The following TTPA variants were observed in gnomAD, a reference collection of about 807,000 sequenced individuals.
The protein encoded by TTPA is alpha-tocopherol transfer protein.
TTPA carries 23 observed loss-of-function variants against 25.9 expected under a neutral mutation model. That is an observed-to-expected ratio of 0.89 (90% CI 0.64 to 1.26). The LOEUF (loss-of-function observed/expected upper bound fraction) is 1.26. Ranked by LOEUF, TTPA falls within the 50% of genes most tolerant of loss-of-function variation. The pLI, the probability that TTPA is intolerant of heterozygous loss-of-function variation, is 0.00. For missense variants in TTPA, 337 were observed against 353.1 expected, an observed-to-expected ratio of 0.95 and a Z score of 0.37; for synonymous variants, 148 against 137.3, an observed-to-expected ratio of 1.08 and a Z score of -0.54.
At chr8:63,076,604 A>G (rs1200039759) in intron 1 of TTPA, among the ~76,000 whole-genome samples, 1 of 152,224 alleles carries the variant, frequency 6.6e-6, no homozygotes, top group Non-Finnish European at 1.5e-5. Context: ...TAAGGAATAC[A>G]GAAAAAAATA....
intron 1 of TTPA, among the ~76,000 whole-genome samples, chr8:63,077,575 A>T (rs976608697): frequency 2.6e-5 from 4 of 152,188 alleles, no homozygotes; most frequent in Non-Finnish European, 5.9e-5. Flanking sequence ...GCAGTCTGAG[A>T]TCTAACTTCA....
At chr8:63,074,500 A>G (rs986544739) in intron 1 of TTPA, among the ~76,000 whole-genome samples, 1 of 152,246 alleles carries the variant, frequency 6.6e-6, no homozygotes, top group Non-Finnish European at 1.5e-5. Flanking sequence ...GGAGTAAGAA[A>G]GAAAAAAGTC....
chr8:63,084,392 A>T (rs1464256655), intron 1 of TTPA, among the ~76,000 whole-genome samples: 1 of 152,224 alleles, frequency 6.6e-6, no homozygotes, highest in Non-Finnish European at 1.5e-5. Flanking sequence ...CTTGTGTACT[A>T]CTAGGCAAAT....
chr8:63,066,182 T>G, intron 2 of TTPA, 85 bp from the exon 3 acceptor site: 3 of 1,320,948 alleles, frequency 2.3e-6, no homozygotes, highest in South Asian at 1.3e-5. Flanking sequence ...ATTTTATTCT[T>G]AAAAGATCAG....
downstream of TTPA, among the ~76,000 whole-genome samples, chr8:63,059,020 G>GT (rs35335226): frequency 0.094 from 6,324 of 67,114 alleles, 2,022 homozygotes; most frequent in Non-Finnish European, 0.13. Context: ...GCAGGGTCCA[G>GT]TTTTTTTTTT....
Position 63,085,844 on chromosome 8 carries a change from C to G in TTPA, c.178G>C (p.Asp60His). The stretch of plus-strand genomic sequence containing the variant: ...CGCCAGGCCAGGTCCAGATCGAAAT[C>G]CCGGGCGCGCAGGAACCGCAGCAGG... ...SFLLRFLRAR[D>H]FDLDLAWRLL... is the part of the protein sequence containing the mutation. Residue 60 changes from aspartate (D) to histidine (H), a missense_variant, in exon 1 of 5, where the codon GAT becomes CAT. By Grantham distance (81) the Asp-to-His change is moderately conservative. Coordinates refer to ENST00000260116, the MANE Select transcript of TTPA (RefSeq NM_000370.3). 1 of 1,536,736 alleles carries G rather than the reference C, an allele frequency of 6.5e-7. No individual in the cohort carries two copies.
intron 1 of TTPA, 21 bp downstream of exon 1, chr8:63,085,797 G>T (rs1167980938): frequency 1.8e-5 from 28 of 1,532,264 alleles, no homozygotes; most frequent in Non-Finnish European, 2.4e-5. Context: ...ACTGCCGAGC[G>T]CCCTGGGCAC....
intron 2 of TTPA, among the ~76,000 whole-genome samples, chr8:63,072,482 C>T (rs899455184): frequency 3.9e-5 from 6 of 152,304 alleles, no homozygotes; most frequent in East Asian, 1.9e-4. Flanking sequence ...AGGTTGGTCT[C>T]GAACTCCTGA....
At chr8:63,066,218 C>T in intron 2 of TTPA, 121 bp from the exon 3 acceptor site, 2 of 1,041,012 alleles carry the variant, frequency 1.9e-6, no homozygotes, top group South Asian at 2.9e-5. Context: ...CTACAAAGAT[C>T]AAGAATTGAT....
Position 63,064,270 on chromosome 8 carries a change from G to C in TTPA, c.599C>G (p.Pro200Arg). 4 of 1,612,922 alleles carry C rather than the reference G, an allele frequency of 2.5e-6. No individual in the cohort carries two copies. Among genetic ancestry groups the C allele is most frequent in the Non-Finnish European group, 3.4e-6 (4 of 1,179,392 alleles). The change falls in exon 4 of 5, where the codon CCA (proline) becomes CGA (arginine). Residue 200 changes from proline to arginine, a missense_variant. Coordinates refer to ENST00000260116, the MANE Select transcript of TTPA (RefSeq NM_000370.3). Reference protein sequence around the residue: ...KVRGIHLINEPVIFHAVFSMI... With the variant: ...KVRGIHLINERVIFHAVFSMI... Reference sequence around the variant, plus strand: ...GGAAAAGACAGCATGGAAAATTACTGGTTCATTTATCAAATGGATGCCACG... The same window carrying C: ...GGAAAAGACAGCATGGAAAATTACTCGTTCATTTATCAAATGGATGCCACG...
chr8:63,076,483 A>G (rs932671977), intron 1 of TTPA, among the ~76,000 whole-genome samples: 3 of 152,178 alleles, frequency 2.0e-5, no homozygotes, highest in African/African-American at 7.2e-5. Flanking sequence ...TTGGCAGAAA[A>G]GCAAGACAAA....
In TTPA at chr8:63,073,027, G is replaced by C. The variant is rs762517172; in HGVS notation, c.266C>G (p.Pro89Arg). The C allele has an allele frequency of 6.2e-7, 1 of 1,613,642 alleles. No individual in the cohort carries two copies. The highest frequency in any genetic ancestry group is 8.5e-7 in the Non-Finnish European group (1 of 1,179,684). The stretch of plus-strand genomic sequence containing the variant: ...CTTTAGGAGGCCAATAATACTTCTA[G>C]GGTGTAGATCTGCACTTATTTCTGG... ...ECPEISADLH[P>R]RSIIGLLKAG... The change falls in exon 2 of 5, where the codon CCT becomes CGT. Residue 89 changes from proline (P) to arginine (R), a missense_variant. Transcript: ENST00000260116.
Position 63,085,851 on chromosome 8 carries a change from G to A in TTPA, c.171C>T (p.Arg57=). 1.2e-5 allele frequency: 18 copies of A among 1,536,652 alleles called. No homozygotes were observed. The highest frequency in any genetic ancestry group is 1.6e-5 in the Non-Finnish European group (18 of 1,145,590). Reference sequence around the variant, plus strand: ...CCAGGTCCAGATCGAAATCCCGGGCGCGCAGGAACCGCAGCAGGAAGGAGT... The same window carrying A: ...CCAGGTCCAGATCGAAATCCCGGGCACGCAGGAACCGCAGCAGGAAGGAGT... ...LTDSFLLRFL[R]ARDFDLDLAW... Residue 57 remains arginine, a synonymous_variant, in exon 1 of 5, where the codon CGC becomes CGT. Coordinates refer to ENST00000260116, the MANE Select transcript of TTPA (RefSeq NM_000370.3).
chr8:63,059,907 G>A lies in TTPA; in HGVS notation c.*1345C>T, dbSNP rs951129782. 1 of 152,040 alleles carries A rather than the reference G, an allele frequency of 6.6e-6. No homozygotes were observed. The highest frequency in any genetic ancestry group is 2.4e-5 in the African/African-American group (1 of 41,360). The allele number at this position is 152,040 out of a possible 1,614,324, so 9.4% of individuals were successfully genotyped here. A position where few individuals can be genotyped will look rare whatever the true frequency, so the allele number is the denominator to read the frequency against. ...GGGTCTCCCTGTATTGCCCAGGCTG[G>A]TCTAGAACTCCTGCGCTCAAGCAAT... On this transcript the variant is annotated 3_prime_UTR_variant, in exon 5 of 5. Coordinates refer to ENST00000260116, the MANE Select transcript of TTPA (RefSeq NM_000370.3).
chr8:63,082,027 GGGTAGGAA>G (rs1805671847), intron 1 of TTPA, among the ~76,000 whole-genome samples: 1 of 152,138 alleles, frequency 6.6e-6, no homozygotes, highest in South Asian at 2.1e-4. Flanking sequence ...CCATGCTCAT[GGGTAGGAA>G]GAATCAATAT....
intron 1 of TTPA, among the ~76,000 whole-genome samples, chr8:63,076,178 G>GAAAAT (rs1482006502): frequency 6.6e-6 from 1 of 152,106 alleles, no homozygotes; most frequent in African/African-American, 2.4e-5. Flanking sequence ...TCTAAAATGA[G>GAAAAT]AAAATAATAA....
chr8:63,061,240 T>C lies in TTPA; in HGVS notation c.*12A>G, dbSNP rs773825721. On this transcript the variant is annotated 3_prime_UTR_variant, in exon 5 of 5. Transcript: ENST00000260116. Reference sequence around the variant, plus strand: ...ATTTTTAGTTAGGAAGCCATTCACATGACATAACTTCTCATTGAATGCTCT... The same window carrying C: ...ATTTTTAGTTAGGAAGCCATTCACACGACATAACTTCTCATTGAATGCTCT... 1.2e-6 allele frequency: 2 copies of C among 1,612,586 alleles called. No homozygotes were observed. Among genetic ancestry groups the C allele is most frequent in the East Asian group, 4.5e-5 (2 of 44,808 alleles).
chr8:63,078,107 G>C (rs1805601398), intron 1 of TTPA, among the ~76,000 whole-genome samples: 1 of 151,414 alleles, frequency 6.6e-6, no homozygotes, highest in African/African-American at 2.4e-5. Flanking sequence ...ACTGTTAGAA[G>C]GAAAACTAAC....
chr8:63,062,678 C>T (rs1283730814), intron 4 of TTPA, among the ~76,000 whole-genome samples: 2 of 152,148 alleles, frequency 1.3e-5, no homozygotes, highest in Non-Finnish European at 2.9e-5. Context: ...GTCTGTTTCC[C>T]GTCAACTAAC....
Sources: allele counts gnomAD v4.1 joint callset (sites outside exome capture counted in the v4.1 genomes callset), GRCh38; gene constraint gnomAD v4.1.1; transcripts MANE v1.5; gene names NCBI Gene and HGNC (gene_info 2026-07-23, HGNC 2026-07-21).